ABLIM1: variants seen among roughly 807,000 people sequenced by gnomAD.
The protein encoded by ABLIM1 is actin binding LIM protein 1.
ABLIM1 carries 40 observed loss-of-function variants against 107.0 expected under a neutral mutation model. That is an observed-to-expected ratio of 0.37 (90% confidence interval 0.29 to 0.49). ABLIM1 has a LOEUF of 0.49. Ranked by LOEUF, ABLIM1 falls within the 20% of genes least tolerant of loss-of-function variation. The pLI, the probability that ABLIM1 is intolerant of heterozygous loss-of-function variation, is 0.97. For synonymous variants in ABLIM1, 357 were observed against 357.3 expected (o/e 1.00, Z 0.01); for missense variants, 857 against 1,008.5 (o/e 0.85, Z 2.04).
At chr10:114,738,991 G>A (rs2142257630) in intron 1 of ABLIM1, among the ~76,000 whole-genome samples, 1 of 152,210 alleles carries the variant, frequency 6.6e-6, no homozygotes, top group African/African-American at 2.4e-5. Flanking sequence ...CAAAAAGAAA[G>A]GCACTTAAAA....
At chr10:114,575,054 T>C (rs1222717340) in intron 3 of ABLIM1, among the ~76,000 whole-genome samples, 1 of 152,130 alleles carries the variant, frequency 6.6e-6, no homozygotes, top group Non-Finnish European at 1.5e-5. Flanking sequence ...AAAGAGACCA[T>C]TTTAAACACA....
intron 12 of ABLIM1, among the ~76,000 whole-genome samples, chr10:114,458,931 G>A (rs1250564519): frequency 6.6e-6 from 1 of 152,236 alleles, no homozygotes; most frequent in African/African-American, 2.4e-5. Flanking sequence ...AAGATAGAAT[G>A]AGGCTACAAG....
chr10:114,771,914 A>G (rs1304509699), upstream of ABLIM1, among the ~76,000 whole-genome samples: 2 of 152,198 alleles, frequency 1.3e-5, no homozygotes, highest in African/African-American at 4.8e-5. Context: ...GGTAATGTAC[A>G]TTATTAACAT....
chr10:114,591,976 A>G (rs2074931935), intron 2 of ABLIM1, among the ~76,000 whole-genome samples: 1 of 152,148 alleles, frequency 6.6e-6, no homozygotes. Flanking sequence ...ATATCACTCA[A>G]TGATAAACAT....
intron 1 of ABLIM1, among the ~76,000 whole-genome samples, chr10:114,766,570 TGCTTCCTAG>T (rs961386780): frequency 1.2e-4 from 19 of 152,116 alleles, no homozygotes; most frequent in African/African-American, 3.4e-4. Context: ...ACAAACTTGA[TGCTTCCTAG>T]GGCATACCGA....
intron 4 of ABLIM1, among the ~76,000 whole-genome samples, chr10:114,567,989 G>A (rs1272316569): frequency 2.0e-5 from 3 of 151,654 alleles, no homozygotes; most frequent in African/African-American, 7.3e-5. Context: ...AGGAGATCGA[G>A]ACCATCCTGG....
chr10:114,711,022 G>T lies in ABLIM1; in HGVS notation c.-213+57039C>A, dbSNP rs1419582973. 4.6e-5 allele frequency among the ~76,000 whole-genome samples: 7 copies of T among 152,256 alleles called. No individual in the cohort carries two copies. In the South Asian group the frequency reaches 1.5e-3, roughly 32 times the overall value. Reference sequence around the variant, plus strand: ...CCGGTTTATATGTGGGCCTAAGAAGGCCACTCCATGACTAGGACAATGTTC... The same window carrying T: ...CCGGTTTATATGTGGGCCTAAGAAGTCCACTCCATGACTAGGACAATGTTC... On this transcript the variant is annotated intron_variant, in intron 1 of 15. Coordinates refer to the ABLIM1 transcript ENST00000651092.
In ABLIM1 at chr10:114,657,852, T is replaced by A. The variant is rs1463633075; in HGVS notation, c.244+105A>T. On this transcript the variant is annotated intron_variant, in intron 1 of 22. Transcript: ENST00000533213. ...CATTAATTATATATTAAGGATAGTG[T>A]TTCCTTTGAAGAACACATTACAGAA... The A allele has an allele frequency of 3.1e-6, 3 of 983,380 alleles. No homozygotes were observed. In the African/African-American group the frequency reaches 4.9e-5, roughly 16 times the overall value. The allele number at this position is 983,380 out of a possible 1,614,324, so 60.9% of individuals were successfully genotyped here.
chr10:114,443,672 TAAAAAA>T (rs11418258), intron 17 of ABLIM1, among the ~76,000 whole-genome samples: 94 of 107,370 alleles, frequency 8.8e-4, no homozygotes, highest in African/African-American at 2.9e-3. Context: ...TCATGTTATC[TAAAAAA>T]AAAAAAAAAA....
intron 6 of ABLIM1, among the ~76,000 whole-genome samples, chr10:114,512,591 G>A (rs186330470): frequency 0.01 from 1,558 of 150,234 alleles, 30 homozygotes; most frequent in African/African-American, 0.036. Context: ...TTAGGAGGCC[G>A]AGGAGGACGG....
intron 1 of ABLIM1, among the ~76,000 whole-genome samples, chr10:114,764,123 T>C (rs913884010): frequency 6.6e-6 from 1 of 152,224 alleles, no homozygotes; most frequent in Admixed American, 6.5e-5. Context: ...TAATTTCCTC[T>C]AGCTGGTAAT....
At position 114,432,598 on chromosome 10, in the gene ABLIM1, A is replaced by T. The variant is rs1288378514; in HGVS notation, c.*3662T>A. ...CTTCAATGTCTAAAGAAATCCAGTG[A>T]AAGTTTTAGAAACATTGCCAGCTAG... On this transcript the variant is annotated 3_prime_UTR_variant, in exon 23 of 23. Coordinates refer to ENST00000533213, the MANE Select transcript of ABLIM1 (RefSeq NM_002313.7). 6.6e-6 allele frequency: 1 copy of T among 152,244 alleles called. No homozygotes were observed. Among genetic ancestry groups the T allele is most frequent in the East Asian group, 1.9e-4 (1 of 5,200 alleles). 9.4% of individuals were successfully genotyped at this position (152,244 alleles called of 1,614,324 possible).
chr10:114,500,010 C>T (rs962506718), intron 6 of ABLIM1, among the ~76,000 whole-genome samples: 15 of 152,158 alleles, frequency 9.9e-5, no homozygotes, highest in Non-Finnish European at 1.6e-4. Flanking sequence ...GTGCCTTGGC[C>T]GTAAATATGT....
chr10:114,717,866 T>G (rs2081708913), intron 1 of ABLIM1, among the ~76,000 whole-genome samples: 1 of 140,906 alleles, frequency 7.1e-6, no homozygotes, highest in Admixed American at 7.6e-5. Flanking sequence ...TCAGCCATGT[T>G]GCATCATGGC....
At chr10:114,704,260 ATCTC>A (rs1346726796) in intron 1 of ABLIM1, among the ~76,000 whole-genome samples, 1 of 50,046 alleles carries the variant, frequency 2.0e-5, no homozygotes, top group African/African-American at 6.8e-5. Context: ...CTGACACTCT[ATCTC>A]TCTCTCGCTC....
chr10:114,474,893 T>C (rs904865779), intron 8 of ABLIM1, among the ~76,000 whole-genome samples: 3 of 152,172 alleles, frequency 2.0e-5, no homozygotes, highest in Non-Finnish European at 4.4e-5. Flanking sequence ...GACTGATGAT[T>C]TTATAAATGG....
rs377352513 is a variant in ABLIM1 at position 114,558,902 on chromosome 10, A to AGTGT, written c.674-11130_674-11127dup. ...GTTTCAGGTCCTGTCAGGGAGAACT[A>AGTGT]GTGTGTGTGTCTGTGTGTGTGTGTG... On this transcript the variant is annotated intron_variant, in intron 4 of 22. Coordinates refer to ENST00000533213, the MANE Select transcript of ABLIM1 (RefSeq NM_002313.7). 7.9e-3 allele frequency among the ~76,000 whole-genome samples: 1,168 copies of AGTGT among 148,694 alleles called. 21 individuals carry two copies. The highest frequency in any genetic ancestry group is 0.028 in the African/African-American group (1,101 of 39,120).
chr10:114,781,955 C>G, the ABLIM1 span, among the ~76,000 whole-genome samples: 1 of 151,914 alleles, frequency 6.6e-6, no homozygotes. Flanking sequence ...CTATTTGGAT[C>G]TCCATAAATG....
chr10:114,523,443 C>T (rs1251493802), intron 6 of ABLIM1, among the ~76,000 whole-genome samples: 13 of 152,076 alleles, frequency 8.5e-5, no homozygotes, highest in Admixed American at 7.9e-4. Context: ...TTTCAACTGG[C>T]GAGTTTTCTT....
Sources: allele counts gnomAD v4.1 joint callset (sites outside exome capture counted in the v4.1 genomes callset), GRCh38; gene constraint gnomAD v4.1.1; transcripts MANE v1.5; gene names NCBI Gene and HGNC (gene_info 2026-07-23, HGNC 2026-07-21).